CNN2: variants seen among roughly 807,000 people sequenced by gnomAD.
CNN2 encodes calponin-2.
In CNN2, 21 loss-of-function variants were observed where a neutral mutation model predicts 31.0. The ratio of observed to expected loss-of-function variants is 0.68; its 90% CI spans 0.48 to 0.98. The LOEUF is 0.98. Ranked by LOEUF, CNN2 falls within the 50% of genes least tolerant of loss-of-function variation. The probability of loss-of-function intolerance (pLI) is 0.00; values close to 1 mark genes in which losing one functional copy is unlikely to be tolerated. For missense variants in CNN2, 399 were observed against 427.3 expected (o/e 0.93, Z 0.58); for synonymous variants, 165 against 179.6 (o/e 0.92, Z 0.65).
intron 2 of CNN2, 141 bp from the exon 3 acceptor site, chr19:1,032,251 A>AG (rs1555675094): frequency 0.077 from 67,411 of 871,900 alleles, 1,885 homozygotes; most frequent in Non-Finnish European, 0.082. Context: ...AAAAAAAAAA[A>AG]GAGTGGAAAC....
In CNN2 at chr19:1,032,547, G is replaced by A. The variant is rs917913610; in HGVS notation, c.253-12G>A. Reference sequence around the variant, plus strand: ...GAGGCCCACTCACTGTCCCTCTCCTGCCTCTTCCCAGCTAGAAAACCTGTC... The same window carrying A: ...GAGGCCCACTCACTGTCCCTCTCCTACCTCTTCCCAGCTAGAAAACCTGTC... On this transcript the variant is annotated splice_polypyrimidine_tract_variant and intron_variant, in intron 3 of 6. Coordinates refer to ENST00000263097, the MANE Select transcript of CNN2 (RefSeq NM_004368.4). 3.7e-6 allele frequency: 6 copies of A among 1,613,274 alleles called. No homozygotes were observed. Among genetic ancestry groups the A allele is most frequent in the Non-Finnish European group, 5.1e-6 (6 of 1,179,824 alleles).
chr19:1,032,980 T>C (rs941456653), intron 4 of CNN2: 5 of 345,922 alleles, frequency 1.4e-5, no homozygotes, highest in Admixed American at 4.0e-5. Context: ...GGTTTCACCA[T>C]GCTGGCCAGG....
In CNN2 at chr19:1,026,610, T is replaced by TCCCGTCCCGTCCCGTCCTGTGCGGC. The variant is rs1488002136; in HGVS notation, c.-42_-18dup. 19 of 1,398,938 alleles carry TCCCGTCCCGTCCCGTCCTGTGCGGC rather than the reference T, an allele frequency of 1.4e-5. No homozygotes were observed. In the East Asian group the frequency reaches 5.8e-4, roughly 43 times the overall value. The allele number at this position is 1,398,938 out of a possible 1,614,324, so 86.7% of individuals were successfully genotyped here. ...TCCCAACCCCGCGCCAGCCCGGCGGTCCCGTCCCGTCCCGTCCTGTGCGGC... is the reference window on the plus strand; with the variant it reads ...TCCCAACCCCGCGCCAGCCCGGCGGTCCCGTCCCGTCCCGTCCTGTGCGGCCCCGTCCCGTCCCGTCCTGTGCGGC... On this transcript the variant is annotated 5_prime_UTR_variant, in exon 1 of 7. Coordinates refer to ENST00000263097, the MANE Select transcript of CNN2 (RefSeq NM_004368.4).
chr19:1,036,447 G>T lies in CNN2; in HGVS notation c.539G>T (p.Gly180Val), dbSNP rs2039586789. Residue 180 changes from glycine (G) to valine (V), a missense_variant, in exon 6 of 7, where the codon GGC (glycine) becomes GTC (valine). By Grantham distance (109) the Gly-to-Val change is moderately radical. Coordinates refer to ENST00000263097, the MANE Select transcript of CNN2 (RefSeq NM_004368.4). ...ACCAACAAATGCGCCAGCCAGTCGG[G>T]CATGACTGCCTACGGCACGAGAAGG... ...MGTNKCASQS[G>V]MTAYGTRRHL... 1.2e-6 allele frequency: 2 copies of T among 1,613,006 alleles called. No homozygotes were observed. Among genetic ancestry groups the T allele is most frequent in the Non-Finnish European group, 1.7e-6 (2 of 1,179,218 alleles).
chr19:1,028,184 G>A (rs2039428856), intron 1 of CNN2, among the ~76,000 whole-genome samples: 1 of 149,632 alleles, frequency 6.7e-6, no homozygotes, highest in Non-Finnish European at 1.5e-5. Context: ...GGCCAAGACC[G>A]GAACCCAGTA....
chr19:1,030,519 G>C (rs1184643760), intron 1 of CNN2, among the ~76,000 whole-genome samples: 1 of 152,120 alleles, frequency 6.6e-6, no homozygotes, highest in Non-Finnish European at 1.5e-5. Context: ...CCAGCTACTC[G>C]GGAGGCTGAG....
At chr19:1,030,322 G>A (rs906248350) in intron 1 of CNN2, among the ~76,000 whole-genome samples, 17 of 152,156 alleles carry the variant, frequency 1.1e-4, no homozygotes, top group African/African-American at 4.1e-4. Flanking sequence ...GCTCCTTCGG[G>A]AGTTGCTAAG....
chr19:1,027,896 C>T (rs1421301915), intron 1 of CNN2, among the ~76,000 whole-genome samples: 1 of 152,224 alleles, frequency 6.6e-6, no homozygotes, highest in African/African-American at 2.4e-5. Flanking sequence ...AGAATTCCTG[C>T]TTCCCCGCTG....
chr19:1,027,168 G>A (rs2039412414), intron 1 of CNN2: 1 of 162,234 alleles, frequency 6.2e-6, no homozygotes, highest in Non-Finnish European at 1.4e-5. Flanking sequence ...GCTTTGGGAG[G>A]GGAAGGGGCA....
chr19:1,032,251 A>AT, intron 2 of CNN2, 141 bp from the exon 3 acceptor site: 1 of 882,626 alleles, frequency 1.1e-6, no homozygotes, highest in East Asian at 2.5e-5. Flanking sequence ...AAAAAAAAAA[A>AT]GAGTGGAAAC....
chr19:1,030,354 C>T (rs1443427603), intron 1 of CNN2, among the ~76,000 whole-genome samples: 3 of 152,148 alleles, frequency 2.0e-5, no homozygotes, highest in Non-Finnish European at 4.4e-5. Flanking sequence ...GGGCCGGGCG[C>T]GGTGGCTCAC....
chr19:1,032,689 C>T lies in CNN2; in HGVS notation c.383C>T (p.Ala128Val), dbSNP rs151328473. 6.2e-6 allele frequency: 10 copies of T among 1,608,812 alleles called. No homozygotes were observed. Among genetic ancestry groups the T allele is most frequent in the African/African-American group, 4.0e-5 (3 of 74,638 alleles). The change falls in exon 4 of 7, where the codon GCG becomes GTG. Residue 128 changes from alanine to valine, a missense_variant. Coordinates refer to ENST00000263097, the MANE Select transcript of CNN2 (RefSeq NM_004368.4). ...TQVQVSLLAL[A>V]GKAKTKGLQS... is the part of the protein sequence containing the mutation. ...GTGCAGGTGTCTCTTCTCGCCCTGG[C>T]GGGGAAGGTGAGGCCCAGAGAGGGG... is the stretch of plus-strand genomic sequence containing the variant.
intron 1 of CNN2, among the ~76,000 whole-genome samples, chr19:1,028,063 G>T (rs1372099625): frequency 6.6e-6 from 1 of 152,174 alleles, no homozygotes; most frequent in Non-Finnish European, 1.5e-5. Context: ...CCGTGCAGTG[G>T]GGTGGGCACC....
At chr19:1,037,338 G>C (rs559404515) in intron 6 of CNN2, 7 of 370,716 alleles carry the variant, frequency 1.9e-5, no homozygotes, top group East Asian at 5.1e-5. Context: ...GGGTTTCACC[G>C]TGTTGGCCAG....
intron 1 of CNN2, among the ~76,000 whole-genome samples, chr19:1,027,286 G>A (rs1261112127): frequency 6.6e-6 from 1 of 152,220 alleles, no homozygotes; most frequent in East Asian, 1.9e-4. Flanking sequence ...CGCTTTGCAC[G>A]GTCTTTGTCT....
intron 1 of CNN2, among the ~76,000 whole-genome samples, chr19:1,030,470 C>A (rs1339731066): frequency 2.0e-5 from 3 of 151,906 alleles, no homozygotes; most frequent in African/African-American, 4.8e-5. Flanking sequence ...ATTAAAAATA[C>A]AAAAAATGAG....
intron 1 of CNN2, 178 bp downstream of exon 1, chr19:1,026,902 C>G: frequency 1.7e-6 from 1 of 587,780 alleles, no homozygotes; most frequent in Non-Finnish European, 2.9e-6. Context: ...CCCCCTGAGG[C>G]TCCCGCGAAT....
intron 4 of CNN2, 167 bp from the exon 5 acceptor site, chr19:1,035,963 T>C: frequency 1.0e-6 from 1 of 983,776 alleles, no homozygotes. Context: ...ATGATGGGTG[T>C]GTGGAGTGTG....
chr19:1,032,498 G>A (rs1415024791), intron 3 of CNN2, 40 bp downstream of exon 3: 2 of 1,613,476 alleles, frequency 1.2e-6, no homozygotes, highest in African/African-American at 1.3e-5. Flanking sequence ...GGTGCTGGGG[G>A]CCCATCTAAC....
Sources: gnomAD v4.1 joint callset for allele counts (sites outside exome capture counted in the v4.1 genomes callset) on GRCh38, gnomAD v4.1.1 for gene constraint, MANE v1.5 for transcripts, NCBI Gene and HGNC (gene_info 2026-07-23, HGNC 2026-07-21) for gene names.